PLCB1: variants seen among roughly 807,000 people sequenced by gnomAD.
PLCB1 encodes the protein 1-phosphatidylinositol 4,5-bisphosphate phosphodiesterase beta-1.
PLCB1 carries 46 observed loss-of-function variants against 161.8 expected under a neutral mutation model. The observed-to-expected ratio is 0.28, with a 90% CI of 0.22 to 0.36. The LOEUF is 0.36. PLCB1 is among the 10% of genes least tolerant of loss of function. The probability of loss-of-function intolerance (pLI) is 1.00; values close to 1 mark genes in which losing one functional copy is unlikely to be tolerated. For missense variants in PLCB1, 1,016 were observed against 1,472.5 expected, an observed-to-expected ratio of 0.69 and a Z score of 5.07; for synonymous variants, 517 against 503.7, an observed-to-expected ratio of 1.03 and a Z score of -0.35.
chr20:8,268,855 A>G (rs879521664), intron 2 of PLCB1, among the ~76,000 whole-genome samples: 4 of 151,122 alleles, frequency 2.6e-5, no homozygotes, highest in Admixed American at 2.6e-4. Flanking sequence ...TAAATTCTCA[A>G]TGCCTTGAAA....
intron 9 of PLCB1, among the ~76,000 whole-genome samples, chr20:8,669,086 G>A (rs1002212920): frequency 1.3e-5 from 2 of 152,164 alleles, no homozygotes; most frequent in African/African-American, 4.8e-5. Flanking sequence ...ATTACAAGGA[G>A]AAAATTCTAA....
At chr20:8,138,696 G>A (rs1003744517) in intron 1 of PLCB1, among the ~76,000 whole-genome samples, 4 of 152,068 alleles carry the variant, frequency 2.6e-5, no homozygotes, top group Non-Finnish European at 5.9e-5. Context: ...CCATAAAAAA[G>A]CCATTGATTT....
intron 3 of PLCB1, among the ~76,000 whole-genome samples, chr20:8,429,583 T>C (rs188937824): frequency 8.5e-5 from 13 of 152,154 alleles, no homozygotes; most frequent in African/African-American, 3.1e-4. Context: ...TTTGTAAAAC[T>C]TCAGTTACGT....
chr20:8,810,336 C>T (rs964576984), intron 31 of PLCB1, among the ~76,000 whole-genome samples: 3 of 152,080 alleles, frequency 2.0e-5, no homozygotes, highest in African/African-American at 4.8e-5. Flanking sequence ...CCTTTCACTT[C>T]GGATGTACAC....
At chr20:8,471,490 G>T (rs1982051195) in intron 3 of PLCB1, among the ~76,000 whole-genome samples, 1 of 152,114 alleles carries the variant, frequency 6.6e-6, no homozygotes, top group South Asian at 2.1e-4. Flanking sequence ...TGAAACAGCA[G>T]CAATTGTTAA....
intron 3 of PLCB1, among the ~76,000 whole-genome samples, chr20:8,531,893 T>G (rs982032059): frequency 4.7e-5 from 7 of 150,040 alleles, no homozygotes; most frequent in African/African-American, 1.5e-4. Context: ...TAATTTTGTT[T>G]CATAAATTTG....
At chr20:8,372,722 AT>A (rs1986943610) in intron 3 of PLCB1, among the ~76,000 whole-genome samples, 1 of 152,246 alleles carries the variant, frequency 6.6e-6, no homozygotes, top group South Asian at 2.1e-4. Flanking sequence ...AGGAAAGAAT[AT>A]TTTTTCTTCT....
chr20:8,134,168 T>C (rs2051320176), intron 1 of PLCB1, among the ~76,000 whole-genome samples: 1 of 152,230 alleles, frequency 6.6e-6, no homozygotes, highest in Admixed American at 6.5e-5. Context: ...GTAAATGGAA[T>C]AGAATCTAAA....
intron 19 of PLCB1, among the ~76,000 whole-genome samples, chr20:8,735,628 A>G (rs977679384): frequency 6.6e-6 from 1 of 152,232 alleles, no homozygotes; most frequent in African/African-American, 2.4e-5. Context: ...TCATGAATTT[A>G]GTTTAGGACT....
chr20:8,763,649 G>A (rs1207029104), intron 25 of PLCB1, among the ~76,000 whole-genome samples: 1 of 151,834 alleles, frequency 6.6e-6, no homozygotes, highest in African/African-American at 2.4e-5. Context: ...GCCTCCCAAA[G>A]TGCTGGACTT....
At chr20:8,151,389 C>T (rs569554448) in intron 2 of PLCB1, among the ~76,000 whole-genome samples, 1 of 152,226 alleles carries the variant, frequency 6.6e-6, no homozygotes, top group Non-Finnish European at 1.5e-5. Context: ...GTGTCTGGTC[C>T]CAGGGCCACT....
At chr20:8,136,166 G>A (rs1368622738) in intron 1 of PLCB1, among the ~76,000 whole-genome samples, 1 of 152,094 alleles carries the variant, frequency 6.6e-6, no homozygotes, top group Non-Finnish European at 1.5e-5. Context: ...AGATCTTACT[G>A]TGGGCAGGTT....
At chr20:8,577,456 A>AG (rs1449865007) in intron 3 of PLCB1, among the ~76,000 whole-genome samples, 181 of 144,080 alleles carry the variant, frequency 1.3e-3, no homozygotes, top group Non-Finnish European at 2.0e-3. Flanking sequence ...AAAAAAAAAA[A>AG]GAATCTTGAA....
At chr20:8,857,281 G>A (rs1258474940) in intron 31 of PLCB1, among the ~76,000 whole-genome samples, 1 of 152,108 alleles carries the variant, frequency 6.6e-6, no homozygotes, top group African/African-American at 2.4e-5. Context: ...AGAATGGTGG[G>A]TTTTTGAAAA....
chr20:8,229,791 C>T (rs1346168864), intron 2 of PLCB1, among the ~76,000 whole-genome samples: 8 of 133,944 alleles, frequency 6.0e-5, no homozygotes, highest in South Asian at 5.3e-4. Context: ...GAGGCCAAGG[C>T]GGGGGTGGGT....
chr20:8,216,079 T>G (rs1979107272), intron 2 of PLCB1, among the ~76,000 whole-genome samples: 1 of 152,108 alleles, frequency 6.6e-6, no homozygotes, highest in African/African-American at 2.4e-5. Context: ...TAGGATCCTT[T>G]TGACATTTTA....
At chr20:8,721,069 C>T (rs1043248305) in intron 14 of PLCB1, among the ~76,000 whole-genome samples, 1 of 152,114 alleles carries the variant, frequency 6.6e-6, no homozygotes, top group African/African-American at 2.4e-5. Context: ...ACATAAAAAC[C>T]CTTGCTGGTC....
chr20:8,328,779 C>G (rs1475775191), intron 2 of PLCB1, among the ~76,000 whole-genome samples: 1 of 152,092 alleles, frequency 6.6e-6, no homozygotes, highest in Admixed American at 6.5e-5. Flanking sequence ...ACTTGCTGCT[C>G]TAGGCTTCTA....
intron 3 of PLCB1, among the ~76,000 whole-genome samples, chr20:8,615,670 T>G (rs559754494): frequency 2.0e-5 from 3 of 152,022 alleles, no homozygotes; most frequent in African/African-American, 7.3e-5. Flanking sequence ...GGGAAAAAAA[T>G]TTCAGAATTA....
Sources: allele counts gnomAD v4.1 joint callset (sites outside exome capture counted in the v4.1 genomes callset), GRCh38; gene constraint gnomAD v4.1.1; transcripts MANE v1.5; gene names NCBI Gene and HGNC (gene_info 2026-07-23, HGNC 2026-07-21).